Variants in DGCR2 observed in about 807,000 individuals in gnomAD.
The protein encoded by DGCR2 is DiGeorge syndrome critical region gene 2, also known as integral membrane protein DGCR2/IDD.
A neutral mutation model predicts 51.6 loss-of-function variants in DGCR2; 24 were observed. That is an observed-to-expected ratio of 0.47 (90% CI 0.34 to 0.65). The LOEUF (loss-of-function observed/expected upper bound fraction) is 0.65, where lower values mean the gene tolerates loss of function less well. DGCR2 is among the 30% of genes least tolerant of loss of function. The pLI, the probability that DGCR2 is intolerant of heterozygous loss-of-function variation, is 0.01. For synonymous variants in DGCR2, 340 were observed against 315.4 expected, an observed-to-expected ratio of 1.08 and a Z score of -0.82; for missense variants, 765 against 772.1, an observed-to-expected ratio of 0.99 and a Z score of 0.11.
chr22:19,063,156 T>G, intron 5 of DGCR2, 46 bp downstream of exon 5: 1 of 1,570,844 alleles, frequency 6.4e-7, no homozygotes, highest in South Asian at 1.1e-5. Flanking sequence ...CGAATCAGGG[T>G]GACTCTGCCC....
intron 2 of DGCR2, among the ~76,000 whole-genome samples, chr22:19,081,643 C>G (rs1046995493): frequency 1.3e-5 from 2 of 152,218 alleles, no homozygotes; most frequent in South Asian, 4.1e-4. Context: ...TACACCCACT[C>G]TGGAAAAACT....
intron 9 of DGCR2, among the ~76,000 whole-genome samples, chr22:19,039,960 G>A (rs184259695): frequency 5.9e-5 from 9 of 152,220 alleles, no homozygotes; most frequent in African/African-American, 1.2e-4. Flanking sequence ...CCCTCCTCCC[G>A]CCTCAGCCTC....
intron 2 of DGCR2, among the ~76,000 whole-genome samples, chr22:19,082,498 C>A (rs1378055276): frequency 6.6e-6 from 1 of 151,934 alleles, no homozygotes; most frequent in Non-Finnish European, 1.5e-5. Flanking sequence ...ACCTGTAATC[C>A]CAGCACTTTG....
At chr22:19,076,748 T>G (rs969616939) in intron 2 of DGCR2, among the ~76,000 whole-genome samples, 3 of 140,958 alleles carry the variant, frequency 2.1e-5, no homozygotes, top group Non-Finnish European at 3.1e-5. Context: ...TTTTTTTTTT[T>G]GAGATGGAGT....
intron 2 of DGCR2, among the ~76,000 whole-genome samples, chr22:19,077,082 T>C (rs887309831): frequency 2.6e-5 from 4 of 152,224 alleles, no homozygotes; most frequent in African/African-American, 9.6e-5. Context: ...ATTCTTTTTA[T>C]ATTTTAAATA....
At chr22:19,082,558 C>T (rs184913635) in intron 2 of DGCR2, among the ~76,000 whole-genome samples, 2 of 151,434 alleles carry the variant, frequency 1.3e-5, no homozygotes, top group Non-Finnish European at 1.5e-5. Context: ...GAGCCCAGCC[C>T]GGCCAACATG....
intron 2 of DGCR2, among the ~76,000 whole-genome samples, chr22:19,084,080 C>T (rs1387422007): frequency 1.3e-5 from 2 of 152,160 alleles, no homozygotes; most frequent in Admixed American, 6.5e-5. Flanking sequence ...CAACCTCCAC[C>T]TCCCAGCCGC....
rs942640394 is a variant in DGCR2, at chr22:19,036,359, C to T, written c.*2506G>A. ...CATCTTAAGAAAAGTTAGTGTCAAC[C>T]CAACCAAAAACTAAAAACCCTTAAT... On this transcript the variant is annotated 3_prime_UTR_variant, in exon 10 of 10. Coordinates refer to ENST00000263196, the MANE Select transcript of DGCR2 (RefSeq NM_005137.3). 4 of 152,456 alleles carry T rather than the reference C, an allele frequency of 2.6e-5. No homozygotes were observed. Among genetic ancestry groups the T allele is most frequent in the African/African-American group, 9.7e-5 (4 of 41,416 alleles). 9.4% of individuals were successfully genotyped at this position (152,456 alleles called of 1,614,324 possible).
chr22:19,054,501 A>C (rs904413442), intron 6 of DGCR2, among the ~76,000 whole-genome samples: 1 of 152,240 alleles, frequency 6.6e-6, no homozygotes, highest in Non-Finnish European at 1.5e-5. Context: ...ACACTCAAAG[A>C]CAAGTTTATC....
In DGCR2 at chr22:19,038,741, G is replaced by A. The variant is rs1186598406; in HGVS notation, c.*124C>T. On this transcript the variant is annotated 3_prime_UTR_variant, in exon 10 of 10. Coordinates refer to ENST00000263196, the MANE Select transcript of DGCR2 (RefSeq NM_005137.3). ...GGTCTCTATGTACACACGCGAGCCC[G>A]CCAGTGACGTGCGGCAGTGCGTGGC... The A allele has an allele frequency of 9.6e-6, 13 of 1,348,018 alleles. No individual in the cohort carries two copies. The highest frequency in any genetic ancestry group is 1.5e-5 in the African/African-American group (1 of 68,766). 83.5% of individuals were successfully genotyped at this position (1,348,018 alleles called of 1,614,324 possible).
At chr22:19,091,749 G>A (rs1027364327) in intron 1 of DGCR2, among the ~76,000 whole-genome samples, 5 of 151,152 alleles carry the variant, frequency 3.3e-5, no homozygotes, top group African/African-American at 9.8e-5. Flanking sequence ...ACAGGAGTTC[G>A]AGACCAGCCT....
rs368397992 is a variant in DGCR2, at chr22:19,056,300, G to A, written c.802+686C>T. On this transcript the variant is annotated intron_variant, in intron 6 of 9. Transcript: ENST00000263196. ...ACTGCACTCCAGCCTGGGCAACAGA[G>A]CGAGACTCTGTCCCAAAAAAAAAAA... The A allele has an allele frequency of 5.5e-5, 11 of 199,426 alleles. No homozygotes were observed. In the East Asian group the frequency reaches 1.2e-3, roughly 22 times the overall value. 12.4% of individuals were successfully genotyped at this position (199,426 alleles called of 1,614,324 possible).
At chr22:19,094,656 G>A (rs918268451) in intron 1 of DGCR2, among the ~76,000 whole-genome samples, 1 of 152,166 alleles carries the variant, frequency 6.6e-6, no homozygotes, top group African/African-American at 2.4e-5. Flanking sequence ...ATTTAACCAA[G>A]AGAAATGAAA....
At chr22:19,117,626 C>T (rs539944398) in intron 1 of DGCR2, among the ~76,000 whole-genome samples, 1 of 152,294 alleles carries the variant, frequency 6.6e-6, no homozygotes, top group Non-Finnish European at 1.5e-5. Flanking sequence ...TATGCACATA[C>T]ACATGGAAGA....
chr22:19,054,077 C>A (rs778902366), intron 6 of DGCR2, among the ~76,000 whole-genome samples: 1 of 152,150 alleles, frequency 6.6e-6, no homozygotes, highest in African/African-American at 2.4e-5. Flanking sequence ...AAAAAAATAG[C>A]TATAAAGGAT....
chr22:19,055,458 C>T (rs1263522904), intron 6 of DGCR2, among the ~76,000 whole-genome samples: 1 of 152,134 alleles, frequency 6.6e-6, no homozygotes, highest in Non-Finnish European at 1.5e-5. Flanking sequence ...CAAGAATGCT[C>T]ACTACCACCA....
intron 1 of DGCR2, among the ~76,000 whole-genome samples, chr22:19,109,126 AAAAC>A (rs376021785): frequency 5.9e-5 from 9 of 152,358 alleles, no homozygotes; most frequent in East Asian, 5.8e-4. Flanking sequence ...GCCACTGTCA[AAAAC>A]AAACAAACAA....
At chr22:19,097,007 C>T (rs1260345391) in intron 1 of DGCR2, among the ~76,000 whole-genome samples, 1 of 152,096 alleles carries the variant, frequency 6.6e-6, no homozygotes, top group African/African-American at 2.4e-5. Context: ...AACTTCAATG[C>T]ACTACCTTAA....
chr22:19,077,228 C>T (rs1394928424), intron 2 of DGCR2, among the ~76,000 whole-genome samples: 1 of 152,064 alleles, frequency 6.6e-6, no homozygotes, highest in Admixed American at 6.5e-5. Context: ...TCTTTTGTTG[C>T]CTGTGATTTA....
Sources: allele counts gnomAD v4.1 joint callset (sites outside exome capture counted in the v4.1 genomes callset), GRCh38; gene constraint gnomAD v4.1.1; transcripts MANE v1.5; gene names NCBI Gene and HGNC (gene_info 2026-07-23, HGNC 2026-07-21).